Variants in BAIAP2 observed in about 807,000 individuals in gnomAD.
BAIAP2 encodes BAR/IMD domain containing adaptor protein 2, also known as BAR/IMD domain-containing adapter protein 2.
Under a neutral mutation model 63.0 loss-of-function variants are expected in BAIAP2, and 18 were observed. The ratio of observed to expected loss-of-function variants is 0.29; its 90% CI spans 0.20 to 0.42. BAIAP2 has a LOEUF of 0.42. Among genes scored for constraint, BAIAP2 ranks in the 10% least tolerant of loss-of-function variants. The pLI, the probability that BAIAP2 is intolerant of heterozygous loss-of-function variation, is 1.00. For missense variants in BAIAP2, 610 were observed against 734.3 expected (o/e 0.83, Z 1.96); for synonymous variants, 386 against 307.6 (o/e 1.25, Z -2.67).
intron 3 of BAIAP2, among the ~76,000 whole-genome samples, chr17:81,082,513 C>T (rs577473656): frequency 1.3e-5 from 2 of 152,320 alleles, no homozygotes; most frequent in African/African-American, 2.4e-5. Context: ...CCCTGCCCTG[C>T]GGTGGATGGG....
intron 6 of BAIAP2, among the ~76,000 whole-genome samples, chr17:81,094,337 A>G (rs1014827410): frequency 6.6e-6 from 1 of 152,074 alleles, no homozygotes; most frequent in South Asian, 2.1e-4. Context: ...CCCAATACCA[A>G]GCTGTGGGTC....
intron 6 of BAIAP2, 56 bp from the exon 7 acceptor site, chr17:81,099,872 G>A (rs1431299462): frequency 1.8e-5 from 28 of 1,591,112 alleles, no homozygotes; most frequent in Non-Finnish European, 2.4e-5. Context: ...CCCCAAACCG[G>A]TCCTGACAGG....
At chr17:81,079,920 G>A (rs1193525446) in intron 3 of BAIAP2, among the ~76,000 whole-genome samples, 2 of 152,158 alleles carry the variant, frequency 1.3e-5, no homozygotes, top group Admixed American at 6.5e-5. Flanking sequence ...AAGTCTGCCC[G>A]CCGCATGGGA....
At chr17:81,059,593 C>T (rs899996946) in intron 3 of BAIAP2, among the ~76,000 whole-genome samples, 8 of 152,100 alleles carry the variant, frequency 5.3e-5, no homozygotes, top group Non-Finnish European at 7.4e-5. Context: ...CACAGGCGTG[C>T]GCCACCACGC....
intron 7 of BAIAP2, 92 bp from the exon 8 acceptor site, chr17:81,103,410 A>C (rs1179115852): frequency 1.7e-6 from 2 of 1,211,924 alleles, no homozygotes; most frequent in Non-Finnish European, 2.3e-6. Flanking sequence ...CTCCAGCCCC[A>C]GAGAGTGCTC....
intron 1 of BAIAP2, among the ~76,000 whole-genome samples, chr17:81,041,938 T>A (rs964002652): frequency 6.6e-6 from 1 of 152,116 alleles, no homozygotes; most frequent in African/African-American, 2.4e-5. Flanking sequence ...AGGGTTTTCT[T>A]AAAACTTATT....
chr17:81,106,157 G>C lies in BAIAP2; in HGVS notation c.1337+11G>C. On this transcript the variant is annotated intron_variant, in intron 11 of 13. Transcript: ENST00000428708. ...CAGGCTGCACATGAGGTGAGCTCTG[G>C]GCCCAACGGGAGTGTAAGATCCCCA... 6.4e-7 allele frequency: 1 copy of C among 1,571,124 alleles called. No homozygotes were observed. Among genetic ancestry groups the C allele is most frequent in the South Asian group, 1.2e-5 (1 of 85,492 alleles).
At chr17:81,037,540 TAGTC>T (rs2046446694) in intron 1 of BAIAP2, among the ~76,000 whole-genome samples, 2 of 152,222 alleles carry the variant, frequency 1.3e-5, no homozygotes, top group African/African-American at 2.4e-5. Context: ...CATGGAGACA[TAGTC>T]AGGAGACCGC....
intron 1 of BAIAP2, among the ~76,000 whole-genome samples, chr17:81,044,637 C>T (rs933364619): frequency 3.3e-5 from 5 of 152,214 alleles, no homozygotes; most frequent in African/African-American, 4.8e-5. Flanking sequence ...CCACCCGTGA[C>T]GGAGTGCAGT....
chr17:81,110,837 C>T (rs1368221629), intron 13 of BAIAP2: 5 of 1,573,882 alleles, frequency 3.2e-6, no homozygotes, highest in South Asian at 1.1e-5. Flanking sequence ...GCAGCTCGCC[C>T]GTGGTCCCCC....
intron 13 of BAIAP2, among the ~76,000 whole-genome samples, chr17:81,111,461 T>G (rs2059920474): frequency 6.6e-6 from 1 of 152,196 alleles, no homozygotes; most frequent in Non-Finnish European, 1.5e-5. Flanking sequence ...TTGGGCCCAC[T>G]GGGGACCGGG....
At chr17:81,100,132 AT>A in intron 7 of BAIAP2, 52 bp downstream of exon 7, 1 of 1,564,810 alleles carries the variant, frequency 6.4e-7, no homozygotes, top group Non-Finnish European at 8.7e-7. Context: ...GCTGGCAGAA[AT>A]GACCCAGGCC....
intron 1 of BAIAP2, chr17:81,036,941 C>T: frequency 3.3e-6 from 5 of 1,535,928 alleles, no homozygotes; most frequent in Non-Finnish European, 4.4e-6. Context: ...CAGGAACTTT[C>T]GTGGTGAGAG....
Position 81,104,507 on chromosome 17 carries a change from C to T in BAIAP2, c.1067-7C>T, listed in dbSNP as rs756866349. ...GCAGTCCCCTTACCTGTCCCTTGTC[C>T]CAGCAGCCGAGAACAAGACTCTGCC... On this transcript the variant is annotated splice_polypyrimidine_tract_variant and splice_region_variant and intron_variant, in intron 9 of 13. Transcript: ENST00000428708. 3.2e-6 allele frequency: 5 copies of T among 1,584,778 alleles called. No individual in the cohort carries two copies. The highest frequency in any genetic ancestry group is 2.7e-5 in the African/African-American group (2 of 74,488).
chr17:81,037,759 G>A (rs1447281021), intron 1 of BAIAP2, among the ~76,000 whole-genome samples: 1 of 152,372 alleles, frequency 6.6e-6, no homozygotes, highest in South Asian at 2.1e-4. Flanking sequence ...CGGCTCAGCT[G>A]TTTGGTTTGG....
chr17:81,088,644 G>T (rs1468986870), intron 6 of BAIAP2, among the ~76,000 whole-genome samples: 4 of 152,158 alleles, frequency 2.6e-5, no homozygotes, highest in Non-Finnish European at 5.9e-5. Flanking sequence ...TGGCACGGAG[G>T]GTTCTTAAAG....
chr17:81,055,569 G>GTTTGTTTTTTTTT (rs2049355075), intron 2 of BAIAP2, among the ~76,000 whole-genome samples: 1 of 94,190 alleles, frequency 1.1e-5, no homozygotes, highest in Non-Finnish European at 2.1e-5. Context: ...TCTGCAGGGT[G>GTTTGTTTTTTTTT]TTTTGTTTTT....
At chr17:81,080,569 C>CT (rs141331224) in intron 3 of BAIAP2, among the ~76,000 whole-genome samples, 2 of 152,192 alleles carry the variant, frequency 1.3e-5, no homozygotes, top group Non-Finnish European at 2.9e-5. Flanking sequence ...TCCACATACT[C>CT]TTTTTCTTTT....
At chr17:81,077,129 T>G (rs1395082820) in intron 3 of BAIAP2, among the ~76,000 whole-genome samples, 2 of 152,126 alleles carry the variant, frequency 1.3e-5, no homozygotes, top group South Asian at 4.1e-4. Context: ...TGAGACTGGT[T>G]CCCGGAGCTA....
Sources: gnomAD v4.1 joint callset for allele counts (sites outside exome capture counted in the v4.1 genomes callset) on GRCh38, gnomAD v4.1.1 for gene constraint, MANE v1.5 for transcripts, NCBI Gene and HGNC (gene_info 2026-07-23, HGNC 2026-07-21) for gene names.